Variants in LUZP1 observed in about 807,000 individuals in gnomAD.
The protein encoded by LUZP1 is leucine zipper protein 1.
A neutral mutation model predicts 71.3 loss-of-function variants in LUZP1; 25 were observed. The ratio of observed to expected loss-of-function variants is 0.35; its 90% confidence interval spans 0.26 to 0.49. The LOEUF (loss-of-function observed/expected upper bound fraction) is 0.49, where lower values mean the gene tolerates loss of function less well. LUZP1 is among the 20% of genes least tolerant of loss of function. The probability of loss-of-function intolerance (pLI) is 0.99; values close to 1 mark genes in which losing one functional copy is unlikely to be tolerated. For synonymous variants in LUZP1, 481 were observed against 506.4 expected, an observed-to-expected ratio of 0.95 and a Z score of 0.67; for missense variants, 1,142 against 1,300.8, an observed-to-expected ratio of 0.88 and a Z score of 1.88.
At chr1:23,104,263 T>G (rs1421222023) in intron 3 of LUZP1, among the ~76,000 whole-genome samples, 1 of 151,892 alleles carries the variant, frequency 6.6e-6, no homozygotes, top group East Asian at 1.9e-4. Flanking sequence ...CACTGCAACC[T>G]TCGTTTGCTG....
At position 23,156,938 on chromosome 1, in the gene LUZP1, G is replaced by A. The variant is rs150974725; in HGVS notation, c.-226+11828C>T. 2.6e-5 allele frequency among the ~76,000 whole-genome samples: 4 copies of A among 152,324 alleles called. No individual in the cohort carries two copies. The East Asian group carries it at 7.7e-4, about 29-fold the overall frequency. ...AGTTAAATATAAGCACCTGCACAAT[G>A]ATGACTTACCAGAATTAAGAACACG... On this transcript the variant is annotated intron_variant, in intron 2 of 4. Transcript: ENST00000302291.
At chr1:23,143,846 T>A (rs1398601955) in intron 2 of LUZP1, among the ~76,000 whole-genome samples, 1 of 152,092 alleles carries the variant, frequency 6.6e-6, no homozygotes, top group Non-Finnish European at 1.5e-5. Context: ...AAAACTGAGG[T>A]TCAGGGAGGT....
intron 3 of LUZP1, among the ~76,000 whole-genome samples, chr1:23,105,701 G>A (rs1643975324): frequency 1.3e-5 from 2 of 152,034 alleles, no homozygotes; most frequent in Non-Finnish European, 2.9e-5. Context: ...GCAAACATTC[G>A]CTATTTAAGT....
chr1:23,115,356 G>A (rs1310716580), intron 2 of LUZP1, among the ~76,000 whole-genome samples: 1 of 152,174 alleles, frequency 6.6e-6, no homozygotes, highest in African/African-American at 2.4e-5. Context: ...CCATCTCTAT[G>A]TGTCAGGTTA....
chr1:23,093,417 T>G lies in LUZP1; in HGVS notation c.845A>C (p.Asn282Thr), dbSNP rs202165883. ...GTCTTTGACTTTGTTGTCTTCCTGATTGCGGTTCTTTTCATTTTCTGATTT... is the reference window on the plus strand; with the variant it reads ...GTCTTTGACTTTGTTGTCTTCCTGAGTGCGGTTCTTTTCATTTTCTGATTT... The change falls in exon 4 of 5, where the codon AAT becomes ACT. Residue 282 changes from asparagine (N) to threonine (T), a missense_variant. Physicochemically the swap from Asn to Thr is moderately conservative, Grantham distance 65. Coordinates refer to ENST00000302291, the Ensembl canonical transcript of LUZP1. The surrounding 1 kb of genome is among the most constrained non-coding windows in gnomAD (Gnocchi z 4.2). 2.0e-5 allele frequency: 32 copies of G among 1,613,822 alleles called. No individual in the cohort carries two copies. In the East Asian group the frequency reaches 7.1e-4, roughly 36 times the overall value.
At chr1:23,085,771 T>C (rs950067764) in exon 5 of LUZP1, 26 of 152,154 alleles carry the variant, frequency 1.7e-4, no homozygotes, top group African/African-American at 6.3e-4. Flanking sequence ...TGTGACTCTT[T>C]CTCATTGCCA....
At chr1:23,142,188 C>A (rs1290474827) in intron 2 of LUZP1, among the ~76,000 whole-genome samples, 5 of 151,710 alleles carry the variant, frequency 3.3e-5, no homozygotes, top group Non-Finnish European at 7.4e-5. Flanking sequence ...GAAACAGGAT[C>A]TTGCTACATT....
At chr1:23,175,561 G>A (rs188702570) in intron 1 of LUZP1, among the ~76,000 whole-genome samples, 115 of 152,140 alleles carry the variant, frequency 7.6e-4, no homozygotes, top group Middle Eastern at 6.8e-3. Context: ...GGACTTCCTC[G>A]ACGACAGGAA....
intron 2 of LUZP1, among the ~76,000 whole-genome samples, chr1:23,111,393 A>C (rs868251105): frequency 1.9e-4 from 28 of 147,572 alleles, no homozygotes; most frequent in African/African-American, 7.0e-4. Context: ...CATCTCTACA[A>C]AAAAAAAAAA....
At chr1:23,137,516 C>T (rs553609029) in intron 2 of LUZP1, among the ~76,000 whole-genome samples, 1 of 152,236 alleles carries the variant, frequency 6.6e-6, no homozygotes, top group South Asian at 2.1e-4. Flanking sequence ...TGGTAGGCAC[C>T]TGTAATCTCT....
At chr1:23,172,956 G>A (rs9426815) in intron 1 of LUZP1, among the ~76,000 whole-genome samples, 21,000 of 151,650 alleles carry the variant, frequency 0.14, 1,793 homozygotes, top group South Asian at 0.32. Context: ...CTGAGTAGCT[G>A]GGATTACAGG....
intron 3 of LUZP1, among the ~76,000 whole-genome samples, chr1:23,105,188 TGAACCAGGACA>T (rs1250306663): frequency 7.2e-5 from 11 of 152,182 alleles, no homozygotes; most frequent in African/African-American, 2.7e-4. Flanking sequence ...GATAAGGGCC[TGAACCAGGACA>T]GTAGCAATGG....
At chr1:23,169,315 C>T (rs1644536914) in intron 1 of LUZP1, among the ~76,000 whole-genome samples, 1 of 152,136 alleles carries the variant, frequency 6.6e-6, no homozygotes, top group South Asian at 2.1e-4. Flanking sequence ...TGCACTCCGG[C>T]GTGGGTGACA....
exon 4 of LUZP1, chr1:23,091,842 C>T: frequency 1.2e-6 from 2 of 1,614,122 alleles, no homozygotes; most frequent in Non-Finnish European, 1.7e-6. Context: ...CGGAGCAGCT[C>T]TGGGGCTGCT....
exon 5 of LUZP1, chr1:23,084,973 C>T (rs1034419885): frequency 1.1e-4 from 17 of 152,738 alleles, no homozygotes; most frequent in East Asian, 1.9e-4. Context: ...TATACGGAAA[C>T]GAGGGAGCTT....
chr1:23,102,120 G>A (rs1643936376), intron 3 of LUZP1, among the ~76,000 whole-genome samples: 1 of 152,086 alleles, frequency 6.6e-6, no homozygotes, highest in Non-Finnish European at 1.5e-5. Flanking sequence ...GGTGGGGTCT[G>A]GGAAGGAAAC....
rs571256187 is a variant in LUZP1, at chr1:23,170,489, G to A, written c.-484-1465C>T. ...TTTTTTTTTTTTTTTTTTTTGAGAC[G>A]AATTTTCTCTCTTGTCGCCCAGGCT... is the stretch of plus-strand genomic sequence containing the variant. On this transcript the variant is annotated intron_variant, in intron 1 of 4. Transcript: ENST00000302291. Among the ~76,000 whole-genome samples, 55 of 113,456 alleles carry A rather than the reference G, an allele frequency of 4.8e-4. 1 individual carries two copies. The South Asian group carries it at 0.014, about 28-fold the overall frequency. The allele number at this position is 113,456 out of a possible 152,430, so 74.4% of individuals were successfully genotyped here.
chr1:23,152,426 G>A (rs1273614713), intron 2 of LUZP1, among the ~76,000 whole-genome samples: 1 of 152,082 alleles, frequency 6.6e-6, no homozygotes, highest in Non-Finnish European at 1.5e-5. Context: ...AAAGCATATG[G>A]ATATAATGCA....
chr1:23,151,446 A>G (rs979303079), intron 2 of LUZP1, among the ~76,000 whole-genome samples: 3 of 152,188 alleles, frequency 2.0e-5, no homozygotes, highest in Non-Finnish European at 2.9e-5. Context: ...TCAAATTACT[A>G]TCTAATCAAT....
Sources: allele counts gnomAD v4.1 joint callset (sites outside exome capture counted in the v4.1 genomes callset), GRCh38; gene constraint gnomAD v4.1.1; non-coding constraint Gnocchi (gnomAD v3.1); transcripts MANE v1.5; gene names NCBI Gene and HGNC (gene_info 2026-07-23, HGNC 2026-07-21).